The following SF1 variants were observed in gnomAD, a reference collection of about 807,000 sequenced individuals.
The protein encoded by SF1 is branch point-binding protein.
In SF1, 7 loss-of-function variants were observed where a neutral mutation model predicts 62.5. That is an observed-to-expected ratio of 0.11 (90% CI 0.06 to 0.21). The LOEUF (loss-of-function observed/expected upper bound fraction) is 0.21, where lower values mean the gene tolerates loss of function less well. Among genes scored for constraint, SF1 ranks in the 10% least tolerant of loss-of-function variants. The pLI, the probability that SF1 is intolerant of heterozygous loss-of-function variation, is 1.00. For synonymous variants in SF1, 394 were observed against 323.6 expected (o/e 1.22, Z -2.33); for missense variants, 578 against 884.0 (o/e 0.65, Z 4.39).
At chr11:64,769,747 TATA>T in intron 5 of SF1, 138 bp from the exon 6 acceptor site, 1 of 819,746 alleles carries the variant, frequency 1.2e-6, no homozygotes, top group Non-Finnish European at 1.9e-6. Context: ...CCATGAACTC[TATA>T]TTATGGTCAG....
At chr11:64,767,996 T>C (rs2135901721) in intron 9 of SF1, 110 bp downstream of exon 9, 1 of 1,439,682 alleles carries the variant, frequency 6.9e-7, no homozygotes. Flanking sequence ...AAGAACAATG[T>C]TGCCATCCAC....
chr11:64,767,557 T>C lies in SF1; in HGVS notation c.1342+14A>G, dbSNP rs148562270. ...CCCAAAGCCCCCAAGGTTTCTGGTCTGACACTTACTTACCCATTGGAGGAG... is the reference window on the plus strand; with the variant it reads ...CCCAAAGCCCCCAAGGTTTCTGGTCCGACACTTACTTACCCATTGGAGGAG... On this transcript the variant is annotated intron_variant, in intron 10 of 12. Transcript: ENST00000377390. 637 of 1,535,882 alleles carry C rather than the reference T, an allele frequency of 4.1e-4. 4 individuals are homozygous for C. In the East Asian group the frequency reaches 0.013, roughly 32 times the overall value.
intron 8 of SF1, 48 bp downstream of exon 8, chr11:64,768,974 T>A (rs770494931): frequency 8.0e-7 from 1 of 1,256,144 alleles, no homozygotes; most frequent in East Asian, 2.3e-5. Flanking sequence ...AGAAAAGTTG[T>A]CCTGCACATC....
intron 3 of SF1, chr11:64,772,166 C>T: frequency 1.0e-6 from 1 of 985,302 alleles, no homozygotes; most frequent in Non-Finnish European, 1.2e-6. Flanking sequence ...TCGGCTAGAT[C>T]AACTAAATTC....
chr11:64,776,932 ATAC>A (rs529604052), intron 1 of SF1, among the ~76,000 whole-genome samples: 4 of 152,216 alleles, frequency 2.6e-5, no homozygotes, highest in East Asian at 1.9e-4. Context: ...TGTTAGATAG[ATAC>A]TACATCAACC....
chr11:64,771,012 G>A (rs1490108352), intron 3 of SF1, among the ~76,000 whole-genome samples: 1 of 152,210 alleles, frequency 6.6e-6, no homozygotes, highest in Non-Finnish European at 1.5e-5. Flanking sequence ...CCAAGGCCCA[G>A]GAGACAACCT....
In SF1 at chr11:64,769,564, A is replaced by T. The variant is rs760944314; in HGVS notation, c.525T>A (p.Ile175=). The part of the protein sequence containing the change: ...KNIEKECNAK[I]MIRGKGSVKE... ...TCACAGACCCTTTCCCCCGGATCAT[A>T]ATCTTGGCATTGCACTCCTTCTCTA... Residue 175 remains isoleucine, a synonymous_variant, in exon 6 of 13, where the codon ATT becomes ATA. Transcript: ENST00000377390. The T allele has an allele frequency of 1.9e-6, 3 of 1,614,102 alleles. No individual in the cohort carries two copies. Among genetic ancestry groups the T allele is most frequent in the Non-Finnish European group, 1.7e-6 (2 of 1,180,018 alleles).
In SF1 at chr11:64,776,634, G is replaced by T; in HGVS notation, c.32-8C>A. The T allele has an allele frequency of 1.9e-6, 3 of 1,605,092 alleles. No individual in the cohort carries two copies. Among genetic ancestry groups the T allele is most frequent in the Non-Finnish European group, 2.5e-6 (3 of 1,177,572 alleles). On this transcript the variant is annotated splice_region_variant and splice_polypyrimidine_tract_variant and intron_variant, in intron 1 of 12. Transcript: ENST00000377390. ...GCTTCTTACTTGGGAAGTCTAAAAGGCAGAGACAAAATCCATCCGATGTAA... is the reference window on the plus strand; with the variant it reads ...GCTTCTTACTTGGGAAGTCTAAAAGTCAGAGACAAAATCCATCCGATGTAA...
Position 64,776,480 on chromosome 11 carries a change from T to C in SF1, c.160+18A>G. On this transcript the variant is annotated intron_variant, in intron 2 of 12. Coordinates refer to ENST00000377390, the MANE Select transcript of SF1 (RefSeq NM_004630.4). Reference sequence around the variant, plus strand: ...GTAACAATCTCAAAGTGCATTTGGATGCAGAACGTATATTTACCTATATAA... The same window carrying C: ...GTAACAATCTCAAAGTGCATTTGGACGCAGAACGTATATTTACCTATATAA... 1 of 1,568,672 alleles carries C rather than the reference T, an allele frequency of 6.4e-7. No homozygotes were observed. The highest frequency in any genetic ancestry group is 8.6e-7 in the Non-Finnish European group (1 of 1,162,478).
At chr11:64,775,091 A>G (rs550399475) in intron 2 of SF1, among the ~76,000 whole-genome samples, 8 of 152,246 alleles carry the variant, frequency 5.3e-5, no homozygotes, top group Non-Finnish European at 1.0e-4. Flanking sequence ...TTTGCAGTTG[A>G]GTATTAAGCT....
Position 64,776,556 on chromosome 11 carries a change from T to C in SF1, c.102A>G (p.Pro34=), listed in dbSNP as rs765599142. The C allele has an allele frequency of 1.3e-5, 21 of 1,581,304 alleles. No homozygotes were observed. The South Asian group carries it at 1.9e-4, about 14-fold the overall frequency. ...QDTMEQKTVI[P]GMPTVIPPGL... ...CAGGGGGAATAACTGTAGGCATTCC[T>C]GGAATCACTGTCTTCTGTTCCATTG... The change falls in exon 2 of 13, where the codon CCA becomes CCG. Residue 34 remains proline (P), a synonymous_variant. Coordinates refer to ENST00000377390, the MANE Select transcript of SF1 (RefSeq NM_004630.4).
chr11:64,777,554 C>A, intron 1 of SF1: 1 of 985,418 alleles, frequency 1.0e-6, no homozygotes, highest in African/African-American at 1.7e-5. Flanking sequence ...ATCCTTGGTA[C>A]GGTTCCCATT....
Position 64,767,363 on chromosome 11 carries a change from G to A in SF1, c.1343-112C>T, listed in dbSNP as rs892087992. On this transcript the variant is annotated intron_variant, in intron 10 of 12. Transcript: ENST00000377390. ...TACGCGAGTTCTGAAAACCATGCCT[G>A]TAAAAGGCAGGTCTGTGCTTACCCA... is the stretch of plus-strand genomic sequence containing the variant. 1.0e-5 allele frequency: 12 copies of A among 1,173,286 alleles called. No individual in the cohort carries two copies. The African/African-American group carries it at 1.2e-4, about 12-fold the overall frequency. 72.7% of individuals were successfully genotyped at this position (1,173,286 alleles called of 1,614,324 possible).
At chr11:64,772,040 A>G (rs966302463) in intron 3 of SF1, 7 of 985,294 alleles carry the variant, frequency 7.1e-6, no homozygotes, top group South Asian at 4.7e-5. Flanking sequence ...CCAGCACCCA[A>G]TTGGCCATGT....
Position 64,776,510 on chromosome 11 carries a change from T to C in SF1, c.148A>G (p.Arg50Gly). 1 of 1,560,940 alleles carries C rather than the reference T, an allele frequency of 6.4e-7. No homozygotes were observed. Among genetic ancestry groups the C allele is most frequent in the East Asian group, 2.3e-5 (1 of 42,954 alleles). ...AACGTATATTTACCTATATAAGCTC[T>C]TTCTTGTTCTCGAGTAAGTCCAGGG... ...IPPGLTREQE[R>G]AYIVQLQIED... The change falls in exon 2 of 13, where the codon AGA becomes GGA. Residue 50 changes from arginine (R) to glycine (G), a missense_variant. This residue lies in a region of SF1 where 68 missense variants were observed against 170.7 expected (regional missense o/e 0.40). Coordinates refer to ENST00000377390, the MANE Select transcript of SF1 (RefSeq NM_004630.4).
Position 64,778,414 on chromosome 11 carries a change from C to A in SF1, c.-22G>T. 1 of 1,226,336 alleles carries A rather than the reference C, an allele frequency of 8.2e-7. No homozygotes were observed. The highest frequency in any genetic ancestry group is 4.2e-5 in the Admixed American group (1 of 23,784). 76.0% of individuals were successfully genotyped at this position (1,226,336 alleles called of 1,614,324 possible). On this transcript the variant is annotated 5_prime_UTR_variant, in exon 1 of 13. Coordinates refer to ENST00000377390, the MANE Select transcript of SF1 (RefSeq NM_004630.4). Reference sequence around the variant, plus strand: ...CCATGGCGCCCCCGGGGACAGGCACCGGCACCTGCTTTTCCTCTGCGGCGG... The same window carrying A: ...CCATGGCGCCCCCGGGGACAGGCACAGGCACCTGCTTTTCCTCTGCGGCGG...
intron 3 of SF1, chr11:64,771,845 T>G: frequency 1.0e-6 from 1 of 985,416 alleles, no homozygotes; most frequent in South Asian, 4.7e-5. Context: ...AGAAAACCCA[T>G]GCATTTCCCT....
In SF1 at chr11:64,765,558, G is replaced by A; in HGVS notation, c.*260C>T. The A allele has an allele frequency of 1.9e-6, 3 of 1,577,052 alleles. No homozygotes were observed. The highest frequency in any genetic ancestry group is 2.6e-6 in the Non-Finnish European group (3 of 1,164,946). On this transcript the variant is annotated 3_prime_UTR_variant, in exon 13 of 13. Transcript: ENST00000377390. ...TGGGGAGAGGCAAAGGGAGTTGGGT[G>A]AGGAGAGAAAGAAGACAAAGAAGAC...
intron 1 of SF1, chr11:64,777,833 A>C: frequency 1.0e-6 from 1 of 952,384 alleles, no homozygotes; most frequent in Non-Finnish European, 1.2e-6. Flanking sequence ...CCCTAGAACC[A>C]GGCCGCGCGC....
Sources: allele counts gnomAD v4.1 joint callset (sites outside exome capture counted in the v4.1 genomes callset), GRCh38; gene constraint gnomAD v4.1.1; regional missense constraint gnomAD v4.1.1; transcripts MANE v1.5; gene names NCBI Gene and HGNC (gene_info 2026-07-23, HGNC 2026-07-21).